The following MMP16 variants were observed in gnomAD, a reference collection of about 807,000 sequenced individuals.
MMP16 encodes matrix metallopeptidase 16.
In MMP16, 12 loss-of-function variants were observed where a neutral mutation model predicts 67.8. That is an observed-to-expected ratio of 0.18 (90% CI 0.11 to 0.29). The LOEUF (loss-of-function observed/expected upper bound fraction) is 0.29. Among genes scored for constraint, MMP16 ranks in the 10% least tolerant of loss-of-function variants. The pLI, the probability that MMP16 is intolerant of heterozygous loss-of-function variation, is 1.00. For synonymous variants in MMP16, 249 were observed against 255.9 expected (o/e 0.97, Z 0.26); for missense variants, 475 against 765.7 (o/e 0.62, Z 4.48).
chr8:88,140,212 C>T lies in MMP16; in HGVS notation c.710-21351G>A, dbSNP rs545730277. ...GGCCACTGGTGGAAGTCTATCTCCA[C>T]TTGGGTCTCGGGTCTCATATGGCCT... On this transcript the variant is annotated intron_variant, in intron 4 of 9. Coordinates refer to ENST00000286614, the MANE Select transcript of MMP16 (RefSeq NM_005941.5). Among the ~76,000 whole-genome samples, 16 of 152,262 alleles carry T rather than the reference C, an allele frequency of 1.1e-4. No homozygotes were observed. The East Asian group carries it at 3.1e-3, about 29-fold the overall frequency.
At chr8:88,289,346 A>C (rs1810884396) in intron 1 of MMP16, among the ~76,000 whole-genome samples, 1 of 152,198 alleles carries the variant, frequency 6.6e-6, no homozygotes, top group South Asian at 2.1e-4. Context: ...ATTGGAGAAA[A>C]AGGAACATTT....
chr8:88,171,276 C>T (rs1808798620), intron 3 of MMP16, among the ~76,000 whole-genome samples: 1 of 152,064 alleles, frequency 6.6e-6, no homozygotes, highest in South Asian at 2.1e-4. Flanking sequence ...ACCTGTACAC[C>T]AAACCCTCAT....
chr8:88,097,968 A>G, intron 6 of MMP16, among the ~76,000 whole-genome samples: 1 of 151,984 alleles, frequency 6.6e-6, no homozygotes, highest in Admixed American at 6.6e-5. Flanking sequence ...TTTTGACACC[A>G]ACGGCGAGGA....
chr8:88,217,547 A>G lies in MMP16; in HGVS notation c.133-20241T>C, dbSNP rs187522846. On this transcript the variant is annotated intron_variant, in intron 1 of 9. Coordinates refer to ENST00000286614, the MANE Select transcript of MMP16 (RefSeq NM_005941.5). The stretch of plus-strand genomic sequence containing the variant: ...TGCACTTCTTACACCCTTCTCTGCC[A>G]ATGTGGAACTGGCTTCATCATCTTA... Among the ~76,000 whole-genome samples, 391 of 152,182 alleles carry G rather than the reference A, an allele frequency of 2.6e-3. 1 individual carries two copies. The highest frequency in any genetic ancestry group is 4.0e-3 in the Non-Finnish European group (275 of 67,924).
chr8:88,073,505 A>G (rs972081909), intron 7 of MMP16, among the ~76,000 whole-genome samples: 27 of 152,290 alleles, frequency 1.8e-4, no homozygotes, highest in African/African-American at 6.3e-4. Context: ...ACAGCTAGTA[A>G]GTGTTCAAGG....
intron 6 of MMP16, among the ~76,000 whole-genome samples, chr8:88,105,640 G>A (rs1809224683): frequency 6.6e-6 from 1 of 151,394 alleles, no homozygotes. Flanking sequence ...TGGTAGAGGG[G>A]AAAAGTGAAT....
chr8:88,258,745 T>C (rs1053648183), intron 1 of MMP16, among the ~76,000 whole-genome samples: 1 of 151,984 alleles, frequency 6.6e-6, no homozygotes, highest in Admixed American at 6.6e-5. Flanking sequence ...ATGTTGCTAT[T>C]GTTCGCCTAT....
At chr8:88,053,380 C>T (rs1215804284) in intron 8 of MMP16, among the ~76,000 whole-genome samples, 1 of 152,098 alleles carries the variant, frequency 6.6e-6, no homozygotes. Context: ...TCCACCTTAC[C>T]GCAGTACTCA....
intron 1 of MMP16, among the ~76,000 whole-genome samples, chr8:88,242,409 C>T (rs1810048207): frequency 2.0e-5 from 3 of 152,168 alleles, no homozygotes; most frequent in Admixed American, 2.0e-4. Flanking sequence ...CAAGACACTT[C>T]CATACAAGGA....
intron 6 of MMP16, among the ~76,000 whole-genome samples, chr8:88,080,653 C>T (rs988137507): frequency 9.2e-5 from 14 of 152,058 alleles, no homozygotes; most frequent in Non-Finnish European, 1.5e-4. Flanking sequence ...CCAGGCTGGT[C>T]TTGAACTCCT....
intron 6 of MMP16, among the ~76,000 whole-genome samples, chr8:88,080,381 AT>A (rs1308834754): frequency 1.3e-5 from 2 of 152,230 alleles, no homozygotes; most frequent in African/African-American, 4.8e-5. Flanking sequence ...ATTTATGTGT[AT>A]AAATACACGT....
intron 1 of MMP16, among the ~76,000 whole-genome samples, chr8:88,214,008 C>T (rs1402884520): frequency 6.6e-6 from 1 of 152,136 alleles, no homozygotes. Flanking sequence ...TAACAAGCGC[C>T]TAACAGACTG....
intron 2 of MMP16, among the ~76,000 whole-genome samples, chr8:88,194,205 C>A (rs1809215133): frequency 6.6e-6 from 1 of 151,962 alleles, no homozygotes; most frequent in African/African-American, 2.4e-5. Flanking sequence ...AGATTCAATG[C>A]ATCCCATGTC....
intron 1 of MMP16, among the ~76,000 whole-genome samples, chr8:88,245,722 C>T (rs972215097): frequency 5.3e-5 from 8 of 151,982 alleles, no homozygotes; most frequent in African/African-American, 1.9e-4. Flanking sequence ...TCAGCAGAAG[C>T]GGCATTCAAC....
At chr8:88,125,189 A>ATTT (rs34226547) in intron 4 of MMP16, among the ~76,000 whole-genome samples, 2 of 144,742 alleles carry the variant, frequency 1.4e-5, no homozygotes, top group Non-Finnish European at 3.0e-5. Context: ...AGTCCTGGAG[A>ATTT]TTTTTTTTTT....
chr8:88,066,205 G>A (rs974837738), intron 7 of MMP16, among the ~76,000 whole-genome samples: 1 of 152,100 alleles, frequency 6.6e-6, no homozygotes, highest in African/African-American at 2.4e-5. Flanking sequence ...GATTGCACCA[G>A]CTCAATTTTT....
intron 1 of MMP16, among the ~76,000 whole-genome samples, chr8:88,256,751 C>G (rs1435865714): frequency 6.6e-6 from 1 of 151,842 alleles, no homozygotes; most frequent in Non-Finnish European, 1.5e-5. Context: ...ACTTATAACT[C>G]AGAGGGTCCC....
chr8:88,327,201 G>A lies in MMP16; in HGVS notation c.6C>T (p.Ile2=). The A allele has an allele frequency of 1.2e-6, 2 of 1,613,972 alleles. No homozygotes were observed. The highest frequency in any genetic ancestry group is 1.7e-6 in the Non-Finnish European group (2 of 1,179,938). Residue 2 remains isoleucine, a synonymous_variant, in exon 1 of 10, where the codon ATC becomes ATT. Transcript: ENST00000286614. M[I]LLTFSTGRRL... ...GTCTTCCAGTGCTGAATGTGAGTAA[G>A]ATCATAGTGAACTGTGCTTCAATGG...
intron 1 of MMP16, among the ~76,000 whole-genome samples, chr8:88,267,268 T>G (rs1810490359): frequency 6.6e-6 from 1 of 152,206 alleles, no homozygotes; most frequent in South Asian, 2.1e-4. Flanking sequence ...TTGAGAAAAC[T>G]GAGAGGAGAA....
Sources: gnomAD v4.1 joint callset for allele counts (sites outside exome capture counted in the v4.1 genomes callset) on GRCh38, gnomAD v4.1.1 for gene constraint, MANE v1.5 for transcripts, NCBI Gene and HGNC (gene_info 2026-07-23, HGNC 2026-07-21) for gene names.